SAMSN1: variants seen among roughly 807,000 people sequenced by gnomAD.
SAMSN1 encodes SAM domain, SH3 domain and nuclear localization signals 1.
In SAMSN1, 31 loss-of-function variants were observed where a neutral mutation model predicts 42.0. That is an observed-to-expected ratio of 0.74 (90% CI 0.55 to 1.00). The LOEUF (loss-of-function observed/expected upper bound fraction) is 1.00, where lower values mean the gene tolerates loss of function less well. SAMSN1 is among the 50% of genes least tolerant of loss of function. The pLI, the probability that SAMSN1 is intolerant of heterozygous loss-of-function variation, is 0.00. For synonymous variants in SAMSN1, 178 were observed against 151.9 expected (o/e 1.17, Z -1.26); for missense variants, 464 against 439.4 (o/e 1.06, Z -0.50).
chr21:14,593,312 G>A (rs1331365727), intron 7 of SAMSN1, among the ~76,000 whole-genome samples: 5 of 152,108 alleles, frequency 3.3e-5, no homozygotes, highest in African/African-American at 4.8e-5. Context: ...ACATTAGCTT[G>A]TAGTGTTCTG....
At chr21:14,548,462 T>G (rs192833082), upstream of SAMSN1, among the ~76,000 whole-genome samples, 127 of 152,308 alleles carry the variant, frequency 8.3e-4, no homozygotes, top group African/African-American at 2.9e-3. Flanking sequence ...CTGGACTAGA[T>G]GCAGTTTTTA....
At chr21:14,500,853 G>T in intron 5 of SAMSN1, 118 bp from the exon 6 acceptor site, 1 of 791,662 alleles carries the variant, frequency 1.3e-6, no homozygotes. Context: ...AGATATAACA[G>T]AAACAAATCT....
chr21:14,624,124 G>C (rs1429028432), intron 2 of SAMSN1, among the ~76,000 whole-genome samples: 1 of 152,174 alleles, frequency 6.6e-6, no homozygotes, highest in Non-Finnish European at 1.5e-5. Flanking sequence ...CACATTTAAA[G>C]AAATGTATAG....
At chr21:14,501,715 C>G (rs1023767960) in intron 5 of SAMSN1, among the ~76,000 whole-genome samples, 7 of 152,140 alleles carry the variant, frequency 4.6e-5, no homozygotes, top group Non-Finnish European at 1.0e-4. Context: ...TATGTGTACA[C>G]TAAGGATAAA....
chr21:14,503,258 G>A lies in SAMSN1; in HGVS notation c.562-2523C>T, dbSNP rs115179588. On this transcript the variant is annotated intron_variant, in intron 5 of 7. Transcript: ENST00000400566. ...CTTAAAAAAAAAGATTAAGGCCTGA[G>A]TGAGCTTTTTCCTGTTCATCCTGAA... 7.5e-3 allele frequency among the ~76,000 whole-genome samples: 1,145 copies of A among 152,272 alleles called. 12 individuals are homozygous for A. Among genetic ancestry groups the A allele is most frequent in the African/African-American group, 0.025 (1,019 of 41,566 alleles).
Position 14,544,075 on chromosome 21 carries a change from G to T in SAMSN1, c.57+2130C>A, listed in dbSNP as rs954299632. ...CCAATTTTTTTTCTTTTTGAGAAAG[G>T]GTCTTGCTCTGTTGCCCAGGCTGGA... is the stretch of plus-strand genomic sequence containing the variant. On this transcript the variant is annotated intron_variant, in intron 1 of 7. Coordinates refer to ENST00000400566, the MANE Select transcript of SAMSN1 (RefSeq NM_022136.5). 3.3e-5 allele frequency among the ~76,000 whole-genome samples: 5 copies of T among 152,200 alleles called. No homozygotes were observed. In the South Asian group the frequency reaches 1.0e-3, roughly 32 times the overall value.
At chr21:14,518,524 A>T (rs1988020446) in intron 2 of SAMSN1, among the ~76,000 whole-genome samples, 1 of 152,200 alleles carries the variant, frequency 6.6e-6, no homozygotes, top group South Asian at 2.1e-4. Context: ...CTTGAAGGAC[A>T]TCTAGTTTAA....
At chr21:14,645,303 T>G (rs1290046210) in intron 1 of SAMSN1, among the ~76,000 whole-genome samples, 1 of 152,210 alleles carries the variant, frequency 6.6e-6, no homozygotes, top group Non-Finnish European at 1.5e-5. Flanking sequence ...CAGCTTTCAG[T>G]AACTCATAAC....
intron 2 of SAMSN1, among the ~76,000 whole-genome samples, chr21:14,580,328 T>A (rs1981663323): frequency 6.6e-6 from 1 of 152,194 alleles, no homozygotes; most frequent in African/African-American, 2.4e-5. Flanking sequence ...TCCAGACTGA[T>A]GAAATCCAGA....
chr21:14,485,246 C>A lies in SAMSN1; in HGVS notation c.*666G>T, dbSNP rs1371692824. On this transcript the variant is annotated 3_prime_UTR_variant, in exon 8 of 8. Transcript: ENST00000400566. ...TGGAAAATGCAATATGCAAATAGTTCTTTTTATTATTAACATTAGGGTATG... is the reference window on the plus strand; with the variant it reads ...TGGAAAATGCAATATGCAAATAGTTATTTTTATTATTAACATTAGGGTATG... The A allele has an allele frequency of 6.6e-6, 1 of 152,082 alleles. No individual in the cohort carries two copies. The highest frequency in any genetic ancestry group is 1.5e-5 in the Non-Finnish European group (1 of 68,002). 9.4% of individuals were successfully genotyped at this position (152,082 alleles called of 1,614,324 possible).
At chr21:14,618,796 T>C (rs1962042133) in intron 2 of SAMSN1, among the ~76,000 whole-genome samples, 1 of 152,148 alleles carries the variant, frequency 6.6e-6, no homozygotes, top group Admixed American at 6.6e-5. Flanking sequence ...GTCTAGTCCT[T>C]TAATTTGACA....
rs552293289 is a variant in SAMSN1 at position 14,621,909 on chromosome 21, A to G, written c.157-5893T>C. ...AGACTGACACCCCACATGGCTGGGT[A>G]CCCCTCTGAGATGAAGCTTCCAGAG... On this transcript the variant is annotated intron_variant, in intron 2 of 15. Coordinates refer to the SAMSN1 transcript ENST00000647101. 2.0e-5 allele frequency among the ~76,000 whole-genome samples: 3 copies of G among 152,258 alleles called. No individual in the cohort carries two copies. The East Asian group carries it at 5.8e-4, about 29-fold the overall frequency.
intron 5 of SAMSN1, among the ~76,000 whole-genome samples, chr21:14,502,248 T>C (rs1987195090): frequency 7.5e-6 from 1 of 132,534 alleles, no homozygotes; most frequent in South Asian, 2.3e-4. Flanking sequence ...AGTCCTGTGA[T>C]CTGTTAGGCT....
intron 2 of SAMSN1, among the ~76,000 whole-genome samples, chr21:14,576,584 A>G (rs1048652283): frequency 6.6e-6 from 1 of 152,100 alleles, no homozygotes; most frequent in Non-Finnish European, 1.5e-5. Context: ...ACCTTTTGTT[A>G]CTCTATTTAT....
chr21:14,516,775 G>T, intron 3 of SAMSN1, 117 bp downstream of exon 3: 2 of 803,818 alleles, frequency 2.5e-6, no homozygotes, highest in Non-Finnish European at 3.7e-6. Flanking sequence ...CATAATGACT[G>T]AGGAAGAAAA....
At chr21:14,612,759 A>T in intron 4 of SAMSN1, 1 of 660,330 alleles carries the variant, frequency 1.5e-6, no homozygotes, top group Admixed American at 2.3e-5. Flanking sequence ...TAATTCAAAG[A>T]CAACTCAATT....
chr21:14,597,229 T>A (rs894688198), intron 6 of SAMSN1, among the ~76,000 whole-genome samples: 7 of 152,040 alleles, frequency 4.6e-5, no homozygotes, highest in Non-Finnish European at 7.4e-5. Context: ...TGTTAATATA[T>A]CACAGCATAA....
At chr21:14,614,431 G>A (rs184468947) in intron 3 of SAMSN1, among the ~76,000 whole-genome samples, 165 of 152,238 alleles carry the variant, frequency 1.1e-3, no homozygotes, top group Non-Finnish European at 2.0e-3. Flanking sequence ...CAGAAGCAGA[G>A]GATAGGACTA....
At position 14,625,978 on chromosome 21, in the gene SAMSN1, A is replaced by G. The variant is rs188800091; in HGVS notation, c.157-9962T>C. ...TGAGACCTCTGAAATAATAACACAC[A>G]TCTACAATCAACTGATCTTTGACAA... On this transcript the variant is annotated intron_variant, in intron 2 of 15. Transcript: ENST00000647101. Among the ~76,000 whole-genome samples the G allele has an allele frequency of 5.3e-5, 8 of 152,310 alleles. No individual in the cohort carries two copies. In the East Asian group the frequency reaches 1.5e-3, roughly 29 times the overall value.
Sources: gnomAD v4.1 joint callset for allele counts (sites outside exome capture counted in the v4.1 genomes callset) on GRCh38, gnomAD v4.1.1 for gene constraint, MANE v1.5 for transcripts, NCBI Gene and HGNC (gene_info 2026-07-23, HGNC 2026-07-21) for gene names.